Variants in COL23A1 observed in about 807,000 individuals in gnomAD.
COL23A1 encodes collagen type XXIII alpha 1 chain.
Under a neutral mutation model 99.3 loss-of-function variants are expected in COL23A1, and 97 were observed. The ratio of observed to expected loss-of-function variants is 0.98; its 90% confidence interval spans 0.83 to 1.16. The LOEUF is 1.16. Ranked by LOEUF, COL23A1 falls within the 50% of genes most tolerant of loss-of-function variation. The pLI is 0.00. For missense variants in COL23A1, 762 were observed against 757.4 expected, an observed-to-expected ratio of 1.01 and a Z score of -0.07; for synonymous variants, 320 against 308.2, an observed-to-expected ratio of 1.04 and a Z score of -0.40.
intron 2 of COL23A1, among the ~76,000 whole-genome samples, chr5:178,560,239 C>T (rs1418417303): frequency 1.3e-5 from 2 of 152,166 alleles, no homozygotes; most frequent in African/African-American, 4.8e-5. Context: ...CTGCCTCCAC[C>T]GCAAGAAATG....
intron 2 of COL23A1, among the ~76,000 whole-genome samples, chr5:178,466,097 G>A (rs940898719): frequency 6.6e-6 from 1 of 152,090 alleles, no homozygotes; most frequent in African/African-American, 2.4e-5. Flanking sequence ...GACACACATC[G>A]GCCTCCAAGC....
chr5:178,432,445 T>C lies in COL23A1; in HGVS notation c.362-125526A>G, dbSNP rs191048655. The stretch of plus-strand genomic sequence containing the variant: ...GTTGTGGGGACCCTGGCAGGAAATA[T>C]GGGAGAAATACCCCATTTCTCTTTG... On this transcript the variant is annotated intron_variant, in intron 2 of 28. Transcript: ENST00000390654. Among the ~76,000 whole-genome samples, 67 of 152,250 alleles carry C rather than the reference T, an allele frequency of 4.4e-4. 1 individual carries two copies. Among genetic ancestry groups the C allele is most frequent in the African/African-American group, 1.4e-3 (57 of 41,546 alleles).
chr5:178,567,420 T>A (rs918060974), intron 1 of COL23A1, among the ~76,000 whole-genome samples: 21 of 152,042 alleles, frequency 1.4e-4, no homozygotes, highest in Admixed American at 1.3e-3. Flanking sequence ...GGGGTTGGGG[T>A]CAGGGGCACT....
At chr5:178,246,027 G>A in intron 24 of COL23A1, 59 bp from the exon 25 acceptor site, 1 of 1,594,122 alleles carries the variant, frequency 6.3e-7, no homozygotes, top group South Asian at 1.1e-5. Context: ...GAGCACAGCT[G>A]CTGGGAAGTC....
chr5:178,358,211 G>A (rs1761871413), intron 2 of COL23A1, among the ~76,000 whole-genome samples: 1 of 109,866 alleles, frequency 9.1e-6, no homozygotes, highest in East Asian at 2.8e-4. Context: ...GTGTACGTGT[G>A]TATGTGTGTC....
intron 2 of COL23A1, among the ~76,000 whole-genome samples, chr5:178,360,755 G>A (rs1036303189): frequency 1.3e-5 from 2 of 152,188 alleles, no homozygotes; most frequent in East Asian, 1.9e-4. Context: ...CATCCCACAC[G>A]GAGCAGGTGC....
rs955095562 is a variant in COL23A1, at chr5:178,255,873, G to A, written c.882+480C>T. The A allele has an allele frequency of 1.0e-5, 4 of 399,490 alleles. No homozygotes were observed. Among genetic ancestry groups the A allele is most frequent in the Non-Finnish European group, 2.1e-5 (4 of 194,806 alleles). The allele number at this position is 399,490 out of a possible 1,614,324, so 24.7% of individuals were successfully genotyped here. On this transcript the variant is annotated intron_variant, in intron 15 of 28. Coordinates refer to ENST00000390654, the MANE Select transcript of COL23A1 (RefSeq NM_173465.4). The surrounding 1 kb of genome is among the most constrained non-coding windows in gnomAD (Gnocchi z 4.2). ...GCATGAGGAGACAGAGCCGAGGCCAGGATCCCGGACGTCACCCTAAAGGTA... is the reference window on the plus strand; with the variant it reads ...GCATGAGGAGACAGAGCCGAGGCCAAGATCCCGGACGTCACCCTAAAGGTA...
intron 5 of COL23A1, among the ~76,000 whole-genome samples, chr5:178,279,911 G>A (rs372393846): frequency 6.6e-6 from 1 of 152,212 alleles, no homozygotes; most frequent in South Asian, 2.1e-4. Context: ...GAGGCATAGT[G>A]AAGCTGGAAT....
At chr5:178,442,188 A>C (rs898452769) in intron 2 of COL23A1, among the ~76,000 whole-genome samples, 1 of 151,714 alleles carries the variant, frequency 6.6e-6, no homozygotes, top group East Asian at 1.9e-4. Flanking sequence ...TCTGAACTCC[A>C]TCTCTCTCTC....
intron 2 of COL23A1, among the ~76,000 whole-genome samples, chr5:178,546,555 G>A (rs10479498): frequency 0.01 from 1,542 of 152,302 alleles, 23 homozygotes; most frequent in African/African-American, 0.034. Context: ...GACACTGGGG[G>A]CCGTCCCAGG....
chr5:178,296,107 T>C (rs548968930), intron 3 of COL23A1, among the ~76,000 whole-genome samples: 2 of 152,326 alleles, frequency 1.3e-5, no homozygotes, highest in South Asian at 2.1e-4. Context: ...GAAAGCTCTG[T>C]GTCTTTGCTC....
At chr5:178,249,716 A>ACACTCACTCACTCTCT in intron 18 of COL23A1, among the ~76,000 whole-genome samples, 3 of 92,808 alleles carry the variant, frequency 3.2e-5, no homozygotes, top group Non-Finnish European at 6.6e-5. Context: ...ACACACACAC[A>ACACTCACTCACTCTCT]CTCTCTCTCT....
At chr5:178,425,422 A>AAAATAAATAAAT (rs141540849) in intron 2 of COL23A1, among the ~76,000 whole-genome samples, 17 of 143,006 alleles carry the variant, frequency 1.2e-4, no homozygotes, top group Admixed American at 2.8e-4. Flanking sequence ...ACTCCATCTC[A>AAAATAAATAAAT]AAATAAATAA....
At chr5:178,518,329 T>C (rs1007907860) in intron 2 of COL23A1, among the ~76,000 whole-genome samples, 1 of 150,336 alleles carries the variant, frequency 6.7e-6, no homozygotes, top group Non-Finnish European at 1.5e-5. Flanking sequence ...ATCCGATTTC[T>C]CAATCTTTTC....
intron 2 of COL23A1, among the ~76,000 whole-genome samples, chr5:178,450,513 G>A (rs1767427687): frequency 6.6e-6 from 1 of 152,200 alleles, no homozygotes; most frequent in Non-Finnish European, 1.5e-5. Flanking sequence ...CTACAGAACA[G>A]TAGTAAGCTG....
At chr5:178,506,527 C>T (rs567922531) in intron 2 of COL23A1, among the ~76,000 whole-genome samples, 3 of 152,274 alleles carry the variant, frequency 2.0e-5, no homozygotes, top group African/African-American at 4.8e-5. Context: ...CAAGGAACTC[C>T]GTGGGAGGTG....
chr5:178,477,674 C>T (rs1275960538), intron 2 of COL23A1, among the ~76,000 whole-genome samples: 2 of 152,236 alleles, frequency 1.3e-5, no homozygotes, highest in South Asian at 2.1e-4. Context: ...ACAGCCTGAA[C>T]CCTCTGCGAG....
intron 2 of COL23A1, among the ~76,000 whole-genome samples, chr5:178,398,111 G>A (rs570822062): frequency 1.3e-5 from 2 of 152,304 alleles, no homozygotes; most frequent in Non-Finnish European, 2.9e-5. Context: ...GTTAACCAAA[G>A]AGGATAATAA....
chr5:178,461,058 G>A (rs1756094732), intron 2 of COL23A1, among the ~76,000 whole-genome samples: 1 of 152,208 alleles, frequency 6.6e-6, no homozygotes, highest in Admixed American at 6.5e-5. Context: ...ACAGAAACAA[G>A]CCACTTTACA....
Sources: allele counts gnomAD v4.1 joint callset (sites outside exome capture counted in the v4.1 genomes callset), GRCh38; gene constraint gnomAD v4.1.1; non-coding constraint Gnocchi (gnomAD v3.1); transcripts MANE v1.5; gene names NCBI Gene and HGNC (gene_info 2026-07-23, HGNC 2026-07-21).